Variants in REDIC1 observed in about 807,000 individuals in gnomAD.
REDIC1 encodes the protein HEI10 Interacting Protein 1.
the REDIC1 span, among the ~76,000 whole-genome samples, chr12:39,776,089 C>A: frequency 6.6e-6 from 1 of 152,176 alleles, no homozygotes; most frequent in Non-Finnish European, 1.5e-5. Context: ...TCTGGGGCTT[C>A]TTCTTCCATA....
At chr12:39,636,009 A>G in the REDIC1 span, among the ~76,000 whole-genome samples, 3 of 152,166 alleles carry the variant, frequency 2.0e-5, no homozygotes, top group Non-Finnish European at 4.4e-5. Context: ...GACTATTTGT[A>G]AATTTTAGAG....
chr12:39,856,634 T>C, the REDIC1 span, among the ~76,000 whole-genome samples: 2 of 152,238 alleles, frequency 1.3e-5, no homozygotes, highest in Admixed American at 6.5e-5. Flanking sequence ...CCCAAAGTGC[T>C]GGGATTACAG....
At chr12:39,821,627 T>C in the REDIC1 span, among the ~76,000 whole-genome samples, 22 of 152,182 alleles carry the variant, frequency 1.4e-4, no homozygotes, top group African/African-American at 5.3e-4. Flanking sequence ...CCAAATCTAA[T>C]GGAACACCTT....
At chr12:39,701,212 C>T in the REDIC1 span, among the ~76,000 whole-genome samples, 1 of 152,058 alleles carries the variant, frequency 6.6e-6, no homozygotes, top group African/African-American at 2.4e-5. Flanking sequence ...CGGAGACACA[C>T]ATAGGCTCAA....
At chr12:39,866,797 A>G in the REDIC1 span, among the ~76,000 whole-genome samples, 4 of 152,202 alleles carry the variant, frequency 2.6e-5, no homozygotes, top group East Asian at 1.9e-4. Context: ...TTTTAATGCT[A>G]TAACATGTTA....
the REDIC1 span, chr12:39,737,037 T>TC: frequency 1.3e-5 from 2 of 152,176 alleles, no homozygotes; most frequent in Non-Finnish European, 2.9e-5. Context: ...CCTTTAACTG[T>TC]CTTATTCTCC....
chr12:39,880,166 T>C, the REDIC1 span, among the ~76,000 whole-genome samples: 1 of 152,202 alleles, frequency 6.6e-6, no homozygotes, highest in Non-Finnish European at 1.5e-5. Context: ...GCCAGCACCA[T>C]GCTTCCTGTA....
the REDIC1 span, among the ~76,000 whole-genome samples, chr12:39,779,972 C>G: frequency 2.0e-5 from 3 of 152,256 alleles, no homozygotes; most frequent in South Asian, 6.2e-4. Context: ...TTATTGGATT[C>G]TTTTCAATCC....
the REDIC1 span, among the ~76,000 whole-genome samples, chr12:39,691,817 C>T: frequency 6.6e-6 from 1 of 152,016 alleles, no homozygotes; most frequent in Admixed American, 6.6e-5. Context: ...CTCAGTAATT[C>T]ATTTCTTGGC....
At chr12:39,701,873 G>A in the REDIC1 span, among the ~76,000 whole-genome samples, 1 of 151,910 alleles carries the variant, frequency 6.6e-6, no homozygotes, top group Non-Finnish European at 1.5e-5. Flanking sequence ...CAGAAATAAA[G>A]ATGTTCTTTG....
chr12:39,745,439 C>G, the REDIC1 span, among the ~76,000 whole-genome samples: 2 of 152,190 alleles, frequency 1.3e-5, no homozygotes, highest in Admixed American at 1.3e-4. Context: ...GTAAGTGACT[C>G]TGCTTCCTCT....
At chr12:39,653,572 T>TCTTCTTCTTCTTCTTCTTTTTCTTC in the REDIC1 span, among the ~76,000 whole-genome samples, 1 of 72,882 alleles carries the variant, frequency 1.4e-5, no homozygotes, top group Non-Finnish European at 3.1e-5. Context: ...TTCTTCTTCT[T>TCTTCTTCTTCTTCTTCTTTTTCTTC]TTTCTTCCTC....
chr12:39,714,046 CAT>C, the REDIC1 span, among the ~76,000 whole-genome samples: 36 of 8,558 alleles, frequency 4.2e-3, 1 homozygote, highest in South Asian at 0.029. Context: ...TGTATATACA[CAT>C]GTATATACAC....
At chr12:39,833,981 C>T in the REDIC1 span, among the ~76,000 whole-genome samples, 1 of 151,828 alleles carries the variant, frequency 6.6e-6, no homozygotes, top group Admixed American at 6.6e-5. Flanking sequence ...TTCTCTATAT[C>T]CAGAGGCCAA....
the REDIC1 span, among the ~76,000 whole-genome samples, chr12:39,812,337 TTTTTCTTTTCTTTTCTTTTCTTTTC>T: frequency 2.2e-5 from 3 of 135,262 alleles, no homozygotes; most frequent in South Asian, 2.4e-4. Context: ...ACTAATTTCT[TTTTTCTTTTCTTTTCTTTTCTTTTC>T]TTTTCTTTTC....
chr12:39,632,399 G>A, the REDIC1 span, among the ~76,000 whole-genome samples: 30 of 152,036 alleles, frequency 2.0e-4, no homozygotes, highest in African/African-American at 6.3e-4. Context: ...CACCCAGCCA[G>A]AAATAAGTTT....
chr12:39,895,481 C>A, the REDIC1 span, among the ~76,000 whole-genome samples: 1 of 92,302 alleles, frequency 1.1e-5, no homozygotes, highest in African/African-American at 4.5e-5. Context: ...CAGAGCGAGA[C>A]TCTGTCTCAA....
the REDIC1 span, among the ~76,000 whole-genome samples, chr12:39,868,286 T>C: frequency 2.0e-5 from 3 of 152,162 alleles, no homozygotes; most frequent in African/African-American, 7.2e-5. Context: ...ATTTGGCAAA[T>C]AAAAATATTC....
the REDIC1 span, among the ~76,000 whole-genome samples, chr12:39,883,462 T>A: frequency 6.6e-6 from 1 of 152,250 alleles, no homozygotes; most frequent in South Asian, 2.1e-4. Context: ...ATTGATTGTC[T>A]CCAAAGTTCC....
Sources: allele counts gnomAD v4.1 joint callset (sites outside exome capture counted in the v4.1 genomes callset), GRCh38; gene constraint gnomAD v4.1.1; transcripts MANE v1.5; gene names NCBI Gene and HGNC (gene_info 2026-07-23, HGNC 2026-07-21).